Variants in MYOF observed in about 807,000 individuals in gnomAD.
MYOF encodes myoferlin, also known as fer-1-like 3, myoferlin.
A neutral mutation model predicts 284.2 loss-of-function variants in MYOF; 244 were observed. The observed-to-expected ratio is 0.86, with a 90% CI of 0.77 to 0.95. The LOEUF (loss-of-function observed/expected upper bound fraction) is 0.95. MYOF is among the 40% of genes least tolerant of loss of function. The probability of loss-of-function intolerance (pLI) is 0.00; values close to 1 mark genes in which losing one functional copy is unlikely to be tolerated. For missense variants in MYOF, 2,496 were observed against 2,560.6 expected (o/e 0.97, Z 0.54); for synonymous variants, 904 against 919.7 (o/e 0.98, Z 0.31).
chr10:93,328,942 C>T (rs200538141), intron 44 of MYOF, 31 bp from the exon 45 acceptor site: 37 of 1,570,336 alleles, frequency 2.4e-5, no homozygotes, highest in Admixed American at 6.7e-5. Flanking sequence ...CTCGGAGTTA[C>T]GGAGGAGCCT....
rs1243618498 is a variant in MYOF at position 93,354,703 on chromosome 10, T to TCTCTCTCTCTCTCTC, written c.3404-816_3404-815insGAGAGAGAGAGAGAG. On this transcript the variant is annotated intron_variant, in intron 31 of 53. Coordinates refer to ENST00000359263, the MANE Select transcript of MYOF (RefSeq NM_013451.4). ...TCTCTCTCTCTCTCTCTCTCTCTCT[T>TCTCTCTCTCTCTCTC]TGTGAGATAGCAGAGCATTATGATT... 4.3e-3 allele frequency among the ~76,000 whole-genome samples: 303 copies of TCTCTCTCTCTCTCTC among 70,660 alleles called. 2 individuals are homozygous for TCTCTCTCTCTCTCTC. Among genetic ancestry groups the TCTCTCTCTCTCTCTC allele is most frequent in the African/African-American group, 0.01 (274 of 27,336 alleles). 46.4% of individuals were successfully genotyped at this position (70,660 alleles called of 152,430 possible). A position where few individuals can be genotyped will look rare whatever the true frequency, so the allele number is the denominator to read the frequency against.
chr10:93,369,411 C>T (rs1845485120), intron 25 of MYOF, among the ~76,000 whole-genome samples: 1 of 152,088 alleles, frequency 6.6e-6, no homozygotes, highest in African/African-American at 2.4e-5. Context: ...TAAGTCATCT[C>T]TTGGAATTAT....
intron 15 of MYOF, 69 bp from the exon 16 acceptor site, chr10:93,396,293 TTCA>T: frequency 8.9e-7 from 1 of 1,120,314 alleles, no homozygotes. Flanking sequence ...AAGATATGTC[TTCA>T]TTTCAACAAT....
At chr10:93,329,628 C>T (rs561259321) in intron 44 of MYOF, 36 bp downstream of exon 44, 1 of 1,610,836 alleles carries the variant, frequency 6.2e-7, no homozygotes, top group South Asian at 1.1e-5. Context: ...ATGTCAGAGG[C>T]AGCAAAGTGC....
At chr10:93,329,169 T>G (rs764542197) in intron 44 of MYOF, among the ~76,000 whole-genome samples, 3 of 152,186 alleles carry the variant, frequency 2.0e-5, no homozygotes, top group African/African-American at 4.8e-5. Flanking sequence ...AGTGAGGAGT[T>G]GAGATCACTC....
At chr10:93,319,485 A>G (rs1420125524) in intron 49 of MYOF, among the ~76,000 whole-genome samples, 2 of 152,100 alleles carry the variant, frequency 1.3e-5, no homozygotes, top group African/African-American at 4.8e-5. Context: ...GAAGTTTGAT[A>G]AGGAAGGATA....
In MYOF at chr10:93,478,840, A is replaced by AGAAAGAAAGAAAGAAAG. The variant is rs1554875967; in HGVS notation, c.88+3266_88+3267insCTTTCTTTCTTTCTTTC. ...GAAACAGTCTCAAAAAAAAAAAAAA[A>AGAAAGAAAGAAAGAAAG]AAAGAAAGAAAGAAAGAAAGGGTTT... On this transcript the variant is annotated intron_variant, in intron 1 of 53. Transcript: ENST00000359263. 2.4e-3 allele frequency among the ~76,000 whole-genome samples: 186 copies of AGAAAGAAAGAAAGAAAG among 78,050 alleles called. 20 individuals carry two copies. Among genetic ancestry groups the AGAAAGAAAGAAAGAAAG allele is most frequent in the African/African-American group, 6.0e-3 (118 of 19,526 alleles). The allele number at this position is 78,050 out of a possible 152,430, so 51.2% of individuals were successfully genotyped here.
chr10:93,435,824 C>T (rs1363485944), intron 3 of MYOF, among the ~76,000 whole-genome samples: 1 of 151,922 alleles, frequency 6.6e-6, no homozygotes, highest in East Asian at 1.9e-4. Flanking sequence ...ACACCAGTAG[C>T]CCCAGCTACT....
intron 35 of MYOF, 69 bp downstream of exon 35, chr10:93,351,128 A>G: frequency 6.7e-7 from 1 of 1,486,740 alleles, no homozygotes; most frequent in South Asian, 1.2e-5. Flanking sequence ...TCTATGTTCT[A>G]TACAAAAGAT....
intron 12 of MYOF, among the ~76,000 whole-genome samples, chr10:93,400,802 A>G (rs1206076287): frequency 1.3e-5 from 2 of 151,964 alleles, no homozygotes; most frequent in African/African-American, 4.8e-5. Flanking sequence ...TTCATAATAC[A>G]ATAGTGGCAG....
intron 17 of MYOF, among the ~76,000 whole-genome samples, chr10:93,392,075 G>A (rs116503394): frequency 0.014 from 2,192 of 152,278 alleles, 54 homozygotes; most frequent in African/African-American, 0.049. Context: ...TTGCACATCT[G>A]CCAAGTCCAC....
intron 31 of MYOF, among the ~76,000 whole-genome samples, chr10:93,354,869 C>T (rs1386007457): frequency 2.0e-5 from 3 of 152,188 alleles, no homozygotes; most frequent in Admixed American, 6.5e-5. Context: ...ATAGCACCTA[C>T]CTTACAGGGT....
intron 13 of MYOF, among the ~76,000 whole-genome samples, chr10:93,398,877 G>A (rs1376300516): frequency 6.6e-6 from 1 of 152,090 alleles, no homozygotes; most frequent in East Asian, 1.9e-4. Context: ...ATCTCTGTAG[G>A]TAAAAGTGGT....
chr10:93,381,067 C>T (rs1461344848), intron 20 of MYOF, 152 bp downstream of exon 20: 1 of 887,864 alleles, frequency 1.1e-6, no homozygotes, highest in East Asian at 2.7e-5. Flanking sequence ...GTGCCTGAAC[C>T]CCAACCACAC....
intron 16 of MYOF, among the ~76,000 whole-genome samples, chr10:93,393,236 G>A (rs1377899189): frequency 6.6e-6 from 1 of 152,210 alleles, no homozygotes; most frequent in East Asian, 1.9e-4. Flanking sequence ...GGGACAGAGG[G>A]GGCCTGGCGA....
At chr10:93,478,484 C>T (rs1281867720) in intron 1 of MYOF, 3 of 156,988 alleles carry the variant, frequency 1.9e-5, no homozygotes, top group African/African-American at 7.2e-5. Context: ...CAGCAACCCC[C>T]AGATCCTCCT....
At chr10:93,409,003 T>A in intron 6 of MYOF, 88 bp from the exon 7 acceptor site, 1 of 1,571,618 alleles carries the variant, frequency 6.4e-7, no homozygotes, top group Non-Finnish European at 8.6e-7. Context: ...TTCCTTCACC[T>A]ATTAGGATTG....
chr10:93,390,085 C>G (rs1299427835), intron 17 of MYOF, among the ~76,000 whole-genome samples: 1 of 152,218 alleles, frequency 6.6e-6, no homozygotes, highest in Admixed American at 6.5e-5. Flanking sequence ...TCAGCATGTT[C>G]TCAGGATAAT....
At chr10:93,370,825 A>G (rs1845552410) in intron 24 of MYOF, among the ~76,000 whole-genome samples, 1 of 152,170 alleles carries the variant, frequency 6.6e-6, no homozygotes, top group East Asian at 1.9e-4. Flanking sequence ...ACTGCGATTG[A>G]CAGGTAAACA....
Sources: allele counts gnomAD v4.1 joint callset (sites outside exome capture counted in the v4.1 genomes callset), GRCh38; gene constraint gnomAD v4.1.1; transcripts MANE v1.5; gene names NCBI Gene and HGNC (gene_info 2026-07-23, HGNC 2026-07-21).